The following SLC4A5 variants were observed in gnomAD, a reference collection of about 807,000 sequenced individuals.
The protein encoded by SLC4A5 is electrogenic sodium bicarbonate cotransporter 4.
Under a neutral mutation model 120.4 loss-of-function variants are expected in SLC4A5, and 96 were observed. The observed-to-expected ratio is 0.80, with a 90% CI of 0.68 to 0.94. SLC4A5 has a LOEUF of 0.94. Ranked by LOEUF, SLC4A5 falls within the 40% of genes least tolerant of loss-of-function variation. The pLI is 0.00. For synonymous variants in SLC4A5, 550 were observed against 571.1 expected (o/e 0.96, Z 0.53); for missense variants, 1,259 against 1,459.5 (o/e 0.86, Z 2.24).
At chr2:74,273,462 T>C (rs900659765) in intron 8 of SLC4A5, among the ~76,000 whole-genome samples, 2 of 152,206 alleles carry the variant, frequency 1.3e-5, no homozygotes, top group Non-Finnish European at 2.9e-5. Flanking sequence ...GTAAAGTATA[T>C]ATCCCTGTGG....
intron 16 of SLC4A5, chr2:74,250,791 C>T (rs1670766923): frequency 2.8e-6 from 1 of 355,540 alleles, no homozygotes; most frequent in Non-Finnish European, 5.2e-6. Flanking sequence ...ACCTAACATT[C>T]CATGGAGAAT....
intron 30 of SLC4A5, 61 bp from the exon 31 acceptor site, chr2:74,218,853 G>A (rs1572995106): frequency 1.3e-5 from 2 of 152,646 alleles, no homozygotes; most frequent in African/African-American, 4.8e-5. Context: ...CCATCCCCTA[G>A]AGCAGGGCTC....
At chr2:74,224,933 G>A in exon 28 of SLC4A5, 2 of 1,614,094 alleles carry the variant, frequency 1.2e-6, no homozygotes, top group South Asian at 2.2e-5. Context: ...TGTCAATCCA[G>A]GCCAGGTCGT....
intron 22 of SLC4A5, among the ~76,000 whole-genome samples, chr2:74,234,206 T>C (rs1670194153): frequency 6.7e-6 from 1 of 149,458 alleles, no homozygotes; most frequent in Non-Finnish European, 1.5e-5. Flanking sequence ...TGAGACAGAG[T>C]CTTGTTATGT....
chr2:74,333,095 T>G (rs1175176177), intron 4 of SLC4A5, among the ~76,000 whole-genome samples: 2 of 152,158 alleles, frequency 1.3e-5, no homozygotes, highest in Admixed American at 1.3e-4. Context: ...TGTCTTCCCC[T>G]GGGCACATCT....
At chr2:74,292,756 G>A (rs1299991932) in intron 7 of SLC4A5, among the ~76,000 whole-genome samples, 1 of 152,062 alleles carries the variant, frequency 6.6e-6, no homozygotes, top group Admixed American at 6.6e-5. Flanking sequence ...TAAAGATCTG[G>A]GAGCCATTAT....
intron 29 of SLC4A5, 101 bp from the exon 30 acceptor site, chr2:74,221,602 G>A: frequency 8.5e-7 from 1 of 1,174,404 alleles, no homozygotes; most frequent in Non-Finnish European, 1.3e-6. Flanking sequence ...TCTAACCCTA[G>A]AGCCAACACT....
chr2:74,281,153 T>G (rs1671801534), intron 8 of SLC4A5, among the ~76,000 whole-genome samples: 1 of 152,238 alleles, frequency 6.6e-6, no homozygotes, highest in African/African-American at 2.4e-5. Flanking sequence ...TCTCCTGCCC[T>G]TCCCGGTCAC....
At chr2:74,307,467 C>A (rs751641064) in intron 6 of SLC4A5, 3 of 623,900 alleles carry the variant, frequency 4.8e-6, no homozygotes, top group South Asian at 1.4e-5. Context: ...GTGGAGCCCA[C>A]GGATGTCGCT....
At chr2:74,250,430 G>T (rs938307633) in exon 17 of SLC4A5, 1 of 1,614,228 alleles carries the variant, frequency 6.2e-7, no homozygotes, top group African/African-American at 1.3e-5. Flanking sequence ...GGATGGCAGA[G>T]ATGGACTGAA....
At chr2:74,342,246 C>T (rs2104363553) in intron 2 of SLC4A5, among the ~76,000 whole-genome samples, 2 of 152,326 alleles carry the variant, frequency 1.3e-5, no homozygotes, top group South Asian at 4.1e-4. Flanking sequence ...CCTTTGTTGG[C>T]ATGGCCACCA....
chr2:74,304,850 G>C (rs1198540014), intron 6 of SLC4A5, among the ~76,000 whole-genome samples, 170 bp from the exon 7 acceptor site: 1 of 152,174 alleles, frequency 6.6e-6, no homozygotes, highest in Non-Finnish European at 1.5e-5. Context: ...TTCCATTAAT[G>C]AACCAAATCA....
chr2:74,305,189 G>C (rs752797694), intron 6 of SLC4A5, among the ~76,000 whole-genome samples: 4 of 152,116 alleles, frequency 2.6e-5, no homozygotes, highest in Admixed American at 6.6e-5. Flanking sequence ...AAGAACTAAA[G>C]TTACCAAGAG....
intron 6 of SLC4A5, chr2:74,308,055 T>G: frequency 2.0e-6 from 1 of 497,458 alleles, no homozygotes; most frequent in Non-Finnish European, 4.0e-6. Context: ...GCTTTGCTGA[T>G]GACCTCATTT....
At chr2:74,225,127 C>T (rs942368322) in intron 27 of SLC4A5, 132 bp from the exon 28 acceptor site, 16 of 778,066 alleles carry the variant, frequency 2.1e-5, no homozygotes, top group African/African-American at 1.2e-4. Flanking sequence ...TCTTTGGAGC[C>T]GTCTCGAAGC....
At chr2:74,339,032 T>C (rs1673563627) in intron 2 of SLC4A5, 129 bp from the exon 3 acceptor site, 1 of 152,154 alleles carries the variant, frequency 6.6e-6, no homozygotes, top group African/African-American at 2.4e-5. Flanking sequence ...ATGGTAAGCA[T>C]TCAGGAAATG....
chr2:74,309,358 G>A (rs961017984), intron 6 of SLC4A5, among the ~76,000 whole-genome samples: 8 of 151,932 alleles, frequency 5.3e-5, no homozygotes, highest in Admixed American at 1.3e-4. Flanking sequence ...GTCCATTTCT[G>A]GGCTATTTAT....
intron 5 of SLC4A5, among the ~76,000 whole-genome samples, chr2:74,320,043 GA>G (rs1341257342): frequency 1.3e-5 from 2 of 152,034 alleles, no homozygotes; most frequent in Non-Finnish European, 2.9e-5. Context: ...TACCTTAGAA[GA>G]AAATTTTCAA....
chr2:74,245,888 A>G (rs1670594482), intron 19 of SLC4A5, among the ~76,000 whole-genome samples: 1 of 152,020 alleles, frequency 6.6e-6, no homozygotes, highest in Admixed American at 6.6e-5. Flanking sequence ...AGATTTGGAA[A>G]CCCCACAGGA....
Sources: allele counts gnomAD v4.1 joint callset (sites outside exome capture counted in the v4.1 genomes callset), GRCh38; gene constraint gnomAD v4.1.1; transcripts MANE v1.5; gene names NCBI Gene and HGNC (gene_info 2026-07-23, HGNC 2026-07-21).